The following CSMD3 variants were observed in gnomAD, a reference collection of about 807,000 sequenced individuals.
CSMD3 encodes CUB and sushi domain-containing protein 3.
Under a neutral mutation model 435.2 loss-of-function variants are expected in CSMD3, and 177 were observed. The observed-to-expected ratio is 0.41, with a 90% CI of 0.36 to 0.46. The LOEUF is 0.46. Among genes scored for constraint, CSMD3 ranks in the 20% least tolerant of loss-of-function variants. The probability of loss-of-function intolerance (pLI) is 0.34; values close to 1 mark genes in which losing one functional copy is unlikely to be tolerated. For synonymous variants in CSMD3, 1,656 were observed against 1,520.5 expected (o/e 1.09, Z -2.07); for missense variants, 4,265 against 4,504.6 (o/e 0.95, Z 1.52).
intron 5 of CSMD3, among the ~76,000 whole-genome samples, chr8:113,048,259 A>T (rs1474795308): frequency 8.6e-5 from 13 of 151,830 alleles, no homozygotes; most frequent in Admixed American, 8.5e-4. Flanking sequence ...CGCCCAGCTA[A>T]TTTGTTTGTA....
At chr8:112,345,936 A>T (rs1462914742) in intron 41 of CSMD3, among the ~76,000 whole-genome samples, 161 bp downstream of exon 41, 1 of 152,204 alleles carries the variant, frequency 6.6e-6, no homozygotes, top group Non-Finnish European at 1.5e-5. Flanking sequence ...CTTAAGCAAC[A>T]ATTATTTAAA....
chr8:112,516,570 A>G (rs1171342862), intron 28 of CSMD3, among the ~76,000 whole-genome samples: 1 of 152,182 alleles, frequency 6.6e-6, no homozygotes, highest in African/African-American at 2.4e-5. Context: ...AGATCTTCCA[A>G]ATAAAAACCA....
chr8:112,297,116 T>G (rs1388672255), intron 53 of CSMD3, among the ~76,000 whole-genome samples: 1 of 151,398 alleles, frequency 6.6e-6, no homozygotes, highest in East Asian at 1.9e-4. Context: ...CACGGATTTT[T>G]TTTTTTGGCT....
chr8:112,260,210 A>G (rs986523197), intron 61 of CSMD3, among the ~76,000 whole-genome samples: 2 of 152,164 alleles, frequency 1.3e-5, no homozygotes, highest in Middle Eastern at 3.2e-3. Flanking sequence ...TGCATACCCA[A>G]TGGATAAGGC....
intron 10 of CSMD3, among the ~76,000 whole-genome samples, chr8:112,896,626 C>A (rs1429405124): frequency 6.6e-6 from 1 of 151,342 alleles, no homozygotes; most frequent in African/African-American, 2.4e-5. Flanking sequence ...TTTCCACCAC[C>A]ACTACAACAA....
chr8:113,234,765 G>A (rs2093128706), intron 3 of CSMD3, among the ~76,000 whole-genome samples: 1 of 152,078 alleles, frequency 6.6e-6, no homozygotes, highest in African/African-American at 2.4e-5. Context: ...TTCAGTCTCT[G>A]GGGATGCAAA....
chr8:112,592,531 T>C (rs949541495), intron 22 of CSMD3, among the ~76,000 whole-genome samples: 1 of 152,078 alleles, frequency 6.6e-6, no homozygotes, highest in East Asian at 1.9e-4. Context: ...TTTTCTATAA[T>C]CATTTTTTAC....
chr8:113,391,046 T>A (rs1185955251), intron 1 of CSMD3, among the ~76,000 whole-genome samples: 1 of 151,916 alleles, frequency 6.6e-6, no homozygotes, highest in South Asian at 2.1e-4. Flanking sequence ...ACTGGAGAAA[T>A]AGAAACTGCA....
chr8:112,941,327 A>G (rs2130767171), intron 9 of CSMD3, among the ~76,000 whole-genome samples: 1 of 151,950 alleles, frequency 6.6e-6, no homozygotes, highest in Middle Eastern at 3.4e-3. Flanking sequence ...TTGAATGCCA[A>G]CACTGAGTAC....
intron 10 of CSMD3, among the ~76,000 whole-genome samples, chr8:112,903,539 G>A (rs1361979192): frequency 1.3e-5 from 2 of 151,174 alleles, no homozygotes; most frequent in Admixed American, 6.6e-5. Flanking sequence ...AAGACCTCAG[G>A]GAGTATGGGG....
At chr8:112,860,780 C>T (rs2080805747) in intron 10 of CSMD3, among the ~76,000 whole-genome samples, 1 of 151,758 alleles carries the variant, frequency 6.6e-6, no homozygotes, top group African/African-American at 2.4e-5. Flanking sequence ...TCTGCTCTAC[C>T]ATATTATTTG....
chr8:112,793,468 T>C (rs1219893257), intron 13 of CSMD3, among the ~76,000 whole-genome samples: 1 of 152,068 alleles, frequency 6.6e-6, no homozygotes, highest in Non-Finnish European at 1.5e-5. Context: ...TCTGAAAGCA[T>C]TGAACTATAG....
intron 4 of CSMD3, among the ~76,000 whole-genome samples, chr8:113,108,426 CAA>C (rs35981917): frequency 6.2e-5 from 8 of 129,792 alleles, no homozygotes; most frequent in Non-Finnish European, 1.0e-4. Context: ...GACGCCATCT[CAA>C]AAAAAAAAAA....
chr8:112,913,074 C>T (rs987056076), intron 10 of CSMD3, among the ~76,000 whole-genome samples: 2 of 151,914 alleles, frequency 1.3e-5, no homozygotes, highest in Non-Finnish European at 2.9e-5. Context: ...TCATCATTAG[C>T]CTTGTTTACT....
At chr8:112,594,184 G>A (rs1370932314) in intron 22 of CSMD3, among the ~76,000 whole-genome samples, 1 of 152,172 alleles carries the variant, frequency 6.6e-6, no homozygotes, top group Non-Finnish European at 1.5e-5. Flanking sequence ...GCCGAAGCAG[G>A]GCGAGGCATT....
intron 5 of CSMD3, among the ~76,000 whole-genome samples, chr8:113,083,114 G>A (rs2131463522): frequency 6.6e-6 from 1 of 152,218 alleles, no homozygotes; most frequent in Non-Finnish European, 1.5e-5. Flanking sequence ...ACTGATTAAA[G>A]TGATAGATTT....
At chr8:112,764,990 A>ATTTCTTGTGCACATAGTGCACATAGTG (rs2077939676) in intron 13 of CSMD3, among the ~76,000 whole-genome samples, 2 of 151,638 alleles carry the variant, frequency 1.3e-5, no homozygotes, top group African/African-American at 4.8e-5. Flanking sequence ...TCAAGAAACA[A>ATTTCTTGTGCACATAGTGCACATAGTG]AATATTTCTG....
chr8:113,045,362 A>C (rs1390702986), intron 5 of CSMD3, among the ~76,000 whole-genome samples: 1 of 149,030 alleles, frequency 6.7e-6, no homozygotes, highest in Non-Finnish European at 1.5e-5. Context: ...TTCAACCAAA[A>C]CGTCTCACGT....
At chr8:112,805,506 ACACT>A (rs2079063378) in intron 12 of CSMD3, among the ~76,000 whole-genome samples, 1 of 152,338 alleles carries the variant, frequency 6.6e-6, no homozygotes, top group East Asian at 1.9e-4. Flanking sequence ...TTTTATAAAG[ACACT>A]CACCCTGTAA....
Sources: allele counts gnomAD v4.1 joint callset (sites outside exome capture counted in the v4.1 genomes callset), GRCh38; gene constraint gnomAD v4.1.1; transcripts MANE v1.5; gene names NCBI Gene and HGNC (gene_info 2026-07-23, HGNC 2026-07-21).